The following BCO1 variants were observed in gnomAD, a reference collection of about 807,000 sequenced individuals.
BCO1 encodes the protein beta-carotene oxygenase 1.
In BCO1, 54 loss-of-function variants were observed where a neutral mutation model predicts 56.3. The observed-to-expected ratio is 0.96, with a 90% CI of 0.77 to 1.20. The LOEUF (loss-of-function observed/expected upper bound fraction) is 1.20, where lower values mean the gene tolerates loss of function less well. Among genes scored for constraint, BCO1 ranks in the 50% most tolerant of loss-of-function variants. The pLI is 0.00. For missense variants in BCO1, 801 were observed against 690.9 expected (o/e 1.16, Z -1.79); for synonymous variants, 318 against 266.1 (o/e 1.20, Z -1.90).
intron 2 of BCO1, among the ~76,000 whole-genome samples, chr16:81,249,621 G>A (rs1209109449): frequency 2.6e-5 from 4 of 151,930 alleles, no homozygotes; most frequent in Non-Finnish European, 5.9e-5. Flanking sequence ...GGCCGGTCTC[G>A]AACTCCTGAC....
intron 6 of BCO1, among the ~76,000 whole-genome samples, chr16:81,268,842 A>C (rs906047931): frequency 6.6e-6 from 1 of 150,914 alleles, no homozygotes; most frequent in African/African-American, 2.4e-5. Context: ...GCACTGGTAC[A>C]ATCACAGCTC....
chr16:81,285,210 A>G (rs1908107669), intron 8 of BCO1, among the ~76,000 whole-genome samples: 1 of 152,218 alleles, frequency 6.6e-6, no homozygotes, highest in East Asian at 1.9e-4. Context: ...TTTTTTGAAA[A>G]AAAGCTTTAA....
chr16:81,281,622 C>T (rs983031807), intron 8 of BCO1, among the ~76,000 whole-genome samples: 3 of 152,098 alleles, frequency 2.0e-5, no homozygotes, highest in Admixed American at 1.3e-4. Context: ...CGTAATATAG[C>T]GAAGAAAACT....
In BCO1 at chr16:81,262,153, C is replaced by T; in HGVS notation, c.341C>T (p.Ser114Phe). Residue 114 changes from serine (S) to phenylalanine (F), a missense_variant, in exon 4 of 11, where the codon TCT (serine) becomes TTT (phenylalanine). Coordinates refer to ENST00000258168, the MANE Select transcript of BCO1 (RefSeq NM_017429.3). Reference sequence around the variant, plus strand: ...CTCCCCAGAGCTTTCTCCTACTTGTCTCACACCATCCCCGATTTCACCGAC... The same window carrying T: ...CTCCCCAGAGCTTTCTCCTACTTGTTTCACACCATCCCCGATTTCACCGAC... ...NIFSKAFSYL[S>F]HTIPDFTDNC... 1 of 1,614,010 alleles carries T rather than the reference C, an allele frequency of 6.2e-7. No individual in the cohort carries two copies. The highest frequency in any genetic ancestry group is 8.5e-7 in the Non-Finnish European group (1 of 1,180,000).
At chr16:81,245,938 C>T (rs780372869) in intron 2 of BCO1, among the ~76,000 whole-genome samples, 7 of 144,782 alleles carry the variant, frequency 4.8e-5, no homozygotes, top group African/African-American at 5.0e-5. Context: ...TCTTGACTCA[C>T]GGCAACCTGC....
intron 8 of BCO1, among the ~76,000 whole-genome samples, chr16:81,285,158 A>T (rs1335169184): frequency 1.3e-5 from 2 of 152,060 alleles, no homozygotes; most frequent in Non-Finnish European, 2.9e-5. Flanking sequence ...ATTTCTCATC[A>T]CATATGTGCA....
At chr16:81,244,184 A>G (rs1905264280) in intron 1 of BCO1, among the ~76,000 whole-genome samples, 1 of 152,244 alleles carries the variant, frequency 6.6e-6, no homozygotes, top group Admixed American at 6.5e-5. Context: ...GGAAGGGACG[A>G]ACGCTGAGAG....
At chr16:81,251,468 G>C (rs1199115202) in intron 2 of BCO1, among the ~76,000 whole-genome samples, 1 of 152,040 alleles carries the variant, frequency 6.6e-6, no homozygotes, top group Non-Finnish European at 1.5e-5. Flanking sequence ...ACTGAGGCAG[G>C]AGGATCACTT....
chr16:81,282,235 C>T (rs554516427), intron 8 of BCO1, among the ~76,000 whole-genome samples: 2 of 152,066 alleles, frequency 1.3e-5, no homozygotes, highest in African/African-American at 4.8e-5. Flanking sequence ...AAAAATTAGC[C>T]GGCATGGTGG....
chr16:81,244,937 C>A (rs1383966988), intron 1 of BCO1, among the ~76,000 whole-genome samples: 2 of 152,064 alleles, frequency 1.3e-5, no homozygotes, highest in African/African-American at 4.8e-5. Context: ...GTTGCCCAGA[C>A]TTTAGTGCAG....
At chr16:81,274,689 C>T (rs548660690) in intron 7 of BCO1, among the ~76,000 whole-genome samples, 2 of 152,286 alleles carry the variant, frequency 1.3e-5, no homozygotes, top group South Asian at 4.1e-4. Context: ...ACCAGCCTGG[C>T]CAACAAGGTG....
At chr16:81,241,216 G>C (rs767286237) in intron 1 of BCO1, among the ~76,000 whole-genome samples, 1 of 151,880 alleles carries the variant, frequency 6.6e-6, no homozygotes, top group South Asian at 2.1e-4. Flanking sequence ...CAGGAGACTG[G>C]GCATGAGAAT....
intron 7 of BCO1, among the ~76,000 whole-genome samples, chr16:81,270,684 C>CTG (rs1907142334): frequency 1.9e-5 from 1 of 54,012 alleles, no homozygotes; most frequent in African/African-American, 6.0e-5. Context: ...CAGTCTCTCT[C>CTG]TCTGTGTCTG....
chr16:81,245,746 A>C, intron 2 of BCO1, 143 bp downstream of exon 2: 1 of 1,034,502 alleles, frequency 9.7e-7, no homozygotes, highest in African/African-American at 1.6e-5. Flanking sequence ...CAAGGTGTTC[A>C]TAGGGCCACA....
At chr16:81,266,122 C>T (rs1337740198) in intron 5 of BCO1, among the ~76,000 whole-genome samples, 4 of 152,176 alleles carry the variant, frequency 2.6e-5, no homozygotes, top group African/African-American at 9.7e-5. Context: ...TCATTCCTAG[C>T]CCCTGCAGCC....
intron 5 of BCO1, among the ~76,000 whole-genome samples, chr16:81,266,081 A>G (rs7190165): frequency 3.3e-5 from 5 of 151,936 alleles, no homozygotes; most frequent in Non-Finnish European, 7.4e-5. Context: ...TCCTGACAAA[A>G]CTTTCTATGA....
chr16:81,256,395 A>G (rs191483892), intron 2 of BCO1, among the ~76,000 whole-genome samples: 114 of 152,282 alleles, frequency 7.5e-4, no homozygotes, highest in African/African-American at 2.7e-3. Context: ...GCTTATTGGA[A>G]TGCAATGTCA....
At chr16:81,264,521 GA>G in intron 4 of BCO1, 118 bp from the exon 5 acceptor site, 1 of 1,224,296 alleles carries the variant, frequency 8.2e-7, no homozygotes, top group Non-Finnish European at 1.2e-6. Flanking sequence ...TCTGAACCTA[GA>G]ATCAGTCACG....
intron 3 of BCO1, among the ~76,000 whole-genome samples, chr16:81,261,177 G>T (rs1327247172): frequency 6.6e-6 from 1 of 152,118 alleles, no homozygotes; most frequent in South Asian, 2.1e-4. Flanking sequence ...GCAGGATCAC[G>T]AATTTGAAAC....
Sources: gnomAD v4.1 joint callset for allele counts (sites outside exome capture counted in the v4.1 genomes callset) on GRCh38, gnomAD v4.1.1 for gene constraint, MANE v1.5 for transcripts, NCBI Gene and HGNC (gene_info 2026-07-23, HGNC 2026-07-21) for gene names.